Variants in PLB1 observed in about 807,000 individuals in gnomAD.
PLB1 encodes phospholipase B1, membrane-associated.
A neutral mutation model predicts 227.4 loss-of-function variants in PLB1; 242 were observed. The ratio of observed to expected loss-of-function variants is 1.06; its 90% CI spans 0.96 to 1.18. The LOEUF is 1.18. Ranked by LOEUF, PLB1 falls within the 50% of genes most tolerant of loss-of-function variation. The pLI is 0.00. For missense variants in PLB1, 1,858 were observed against 1,816.3 expected (o/e 1.02, Z -0.42); for synonymous variants, 757 against 682.2 (o/e 1.11, Z -1.71).
chr2:28,628,768 G>A, intron 52 of PLB1, 140 bp downstream of exon 52: 2 of 838,782 alleles, frequency 2.4e-6, no homozygotes, highest in Non-Finnish European at 3.9e-6. Context: ...GGAGGTGGCT[G>A]TCAAGCTCCT....
At chr2:28,608,081 C>T (rs6547859) in intron 43 of PLB1, among the ~76,000 whole-genome samples, 7,311 of 152,266 alleles carry the variant, frequency 0.048, 569 homozygotes, top group African/African-American at 0.17. Flanking sequence ...TGAGTGGGCT[C>T]AGTGCCTCCC....
chr2:28,632,948 GGGA>G lies in PLB1; in HGVS notation c.4008_4010del (p.Asp1337del). ...CCTCCTTGCCGTTGGTTGCAGAGAG[GGGA>G]CACTGACCTCACCTTCTTCTCCGAG... On this transcript the variant is annotated inframe_deletion, in exon 56 of 58. Transcript: ENST00000327757. 1 of 1,605,408 alleles carries G rather than the reference GGGA, an allele frequency of 6.2e-7. No individual in the cohort carries two copies.
intron 20 of PLB1, among the ~76,000 whole-genome samples, chr2:28,568,430 A>G (rs1677430862): frequency 6.6e-6 from 1 of 152,224 alleles, no homozygotes. Flanking sequence ...CCAGAAATGG[A>G]TTATCCGCTA....
Position 28,518,524 on chromosome 2 carries a change from CT to C in PLB1, c.177del (p.Lys60AsnfsTer6). On this transcript the variant is annotated frameshift_variant, in exon 3 of 58. Coordinates refer to ENST00000327757, the MANE Select transcript of PLB1 (RefSeq NM_153021.5). LOFTEE classifies it high-confidence loss of function. ...AATAAATTAGGAGTGAATATGCCTT[CT>C]AAATCAGGTATGTAACCCTTGGCCA... is the stretch of plus-strand genomic sequence containing the variant. ...NPNKLGVNMP[S>X]KSVHSLKPSD... 6.2e-7 allele frequency: 1 copy of C among 1,611,274 alleles called. No individual in the cohort carries two copies. Among genetic ancestry groups the C allele is most frequent in the Non-Finnish European group, 8.5e-7 (1 of 1,177,380 alleles).
chr2:28,613,920 C>T, intron 43 of PLB1, 111 bp from the exon 44 acceptor site: 2 of 891,716 alleles, frequency 2.2e-6, no homozygotes, highest in Middle Eastern at 2.2e-4. Context: ...TATATAAGTG[C>T]AGAAGAATCA....
rs751853909 is a variant in PLB1 at position 28,615,809 on chromosome 2, C to T, written c.3195+1713C>T. 3.3e-5 allele frequency among the ~76,000 whole-genome samples: 5 copies of T among 152,234 alleles called. No individual in the cohort carries two copies. In the East Asian group the frequency reaches 9.6e-4, roughly 29 times the overall value. The stretch of plus-strand genomic sequence containing the variant: ...GCCCTCTTGGTTCTTCAGTCTCATG[C>T]ATCTTTGCTTTTGCTGCTGGAAGAG... On this transcript the variant is annotated intron_variant, in intron 44 of 57. Transcript: ENST00000327757.
At chr2:28,536,225 A>G (rs1032655052) in intron 9 of PLB1, among the ~76,000 whole-genome samples, 14 of 152,230 alleles carry the variant, frequency 9.2e-5, no homozygotes, top group African/African-American at 3.1e-4. Context: ...TCTTATGACC[A>G]AAGTCAGAGA....
chr2:28,617,678 C>T (rs377202438), intron 44 of PLB1, 49 bp from the exon 45 acceptor site: 16 of 1,575,968 alleles, frequency 1.0e-5, no homozygotes, highest in Non-Finnish European at 1.3e-5. Flanking sequence ...AAGCTTATCT[C>T]CCTGCACAAT....
At chr2:28,600,028 C>T (rs1683617033) in intron 35 of PLB1, among the ~76,000 whole-genome samples, 1 of 152,188 alleles carries the variant, frequency 6.6e-6, no homozygotes, top group Admixed American at 6.5e-5. Context: ...CCACCTCAGC[C>T]TCCCTAGTAG....
intron 5 of PLB1, 59 bp downstream of exon 5, chr2:28,525,366 T>A: frequency 6.5e-7 from 1 of 1,549,584 alleles, no homozygotes; most frequent in East Asian, 2.3e-5. Context: ...CCATCTAATC[T>A]TCTTGCCTTA....
chr2:28,508,222 C>T (rs1667848413), intron 1 of PLB1, among the ~76,000 whole-genome samples: 1 of 152,096 alleles, frequency 6.6e-6, no homozygotes, highest in South Asian at 2.1e-4. Context: ...GCTGAATAGC[C>T]TTTGGCAGGT....
chr2:28,515,196 C>T (rs535146923), intron 1 of PLB1, among the ~76,000 whole-genome samples: 3 of 152,290 alleles, frequency 2.0e-5, no homozygotes, highest in East Asian at 3.9e-4. Context: ...AGTCTCAAAT[C>T]TCTGCCCTGC....
chr2:28,513,781 C>A (rs1668535399), intron 1 of PLB1, among the ~76,000 whole-genome samples: 1 of 152,212 alleles, frequency 6.6e-6, no homozygotes, highest in African/African-American at 2.4e-5. Flanking sequence ...AGATGTGGGG[C>A]TCCACCTGTT....
intron 30 of PLB1, 140 bp downstream of exon 30, chr2:28,591,311 T>C: frequency 2.0e-6 from 2 of 1,010,544 alleles, no homozygotes; most frequent in South Asian, 2.6e-5. Context: ...GACCTTCAGA[T>C]GGGGTAGTGG....
chr2:28,620,127 A>C (rs1410579390), intron 46 of PLB1, 138 bp from the exon 47 acceptor site: 3 of 558,102 alleles, frequency 5.4e-6, no homozygotes, highest in Non-Finnish European at 9.5e-6. Flanking sequence ...TCCAAGTTTA[A>C]TATGGCCTGG....
intron 1 of PLB1, among the ~76,000 whole-genome samples, chr2:28,511,589 C>T (rs1002914488): frequency 2.4e-4 from 36 of 152,008 alleles, no homozygotes; most frequent in African/African-American, 8.2e-4. Context: ...CTCCTGTACT[C>T]GAAGAGTTTT....
At chr2:28,596,021 G>A (rs1682850327) in intron 33 of PLB1, 1 of 152,164 alleles carries the variant, frequency 6.6e-6, no homozygotes, top group African/African-American at 2.4e-5. Flanking sequence ...TCGCTTGTTT[G>A]GGACCATTCA....
intron 21 of PLB1, among the ~76,000 whole-genome samples, chr2:28,575,466 TC>T (rs997923211): frequency 6.6e-6 from 1 of 152,218 alleles, no homozygotes; most frequent in Non-Finnish European, 1.5e-5. Context: ...CTTCCAGCTC[TC>T]AGCACCATCC....
At chr2:28,567,524 T>G (rs1677207681) in intron 20 of PLB1, among the ~76,000 whole-genome samples, 1 of 136,488 alleles carries the variant, frequency 7.3e-6, no homozygotes, top group African/African-American at 2.9e-5. Context: ...CAGGCTGGAG[T>G]GCAGAGTGGC....
Sources: gnomAD v4.1 joint callset for allele counts (sites outside exome capture counted in the v4.1 genomes callset) on GRCh38, gnomAD v4.1.1 for gene constraint, MANE v1.5 for transcripts, NCBI Gene and HGNC (gene_info 2026-07-23, HGNC 2026-07-21) for gene names.